UHRF2: variants seen among roughly 807,000 people sequenced by gnomAD.
The protein encoded by UHRF2 is ubiquitin like with PHD and ring finger domains 2.
Under a neutral mutation model 96.8 loss-of-function variants are expected in UHRF2, and 23 were observed. That is an observed-to-expected ratio of 0.24 (90% CI 0.17 to 0.34). UHRF2 has a LOEUF of 0.34. UHRF2 is among the 10% of genes least tolerant of loss of function. The pLI, the probability that UHRF2 is intolerant of heterozygous loss-of-function variation, is 1.00. For synonymous variants in UHRF2, 385 were observed against 332.6 expected, an observed-to-expected ratio of 1.16 and a Z score of -1.72; for missense variants, 685 against 981.5, an observed-to-expected ratio of 0.70 and a Z score of 4.04.
At chr9:6,424,430 A>G (rs1290262215) in intron 2 of UHRF2, among the ~76,000 whole-genome samples, 1 of 152,110 alleles carries the variant, frequency 6.6e-6, no homozygotes, top group Non-Finnish European at 1.5e-5. Flanking sequence ...TTTCTATATT[A>G]CTCTGATTTC....
intron 3 of UHRF2, among the ~76,000 whole-genome samples, chr9:6,443,432 A>G (rs1448267923): frequency 2.0e-5 from 3 of 152,272 alleles, no homozygotes; most frequent in African/African-American, 4.8e-5. Flanking sequence ...AGTAGCAGGC[A>G]GATTCCAAAA....
chr9:6,447,857 G>A (rs1180185629), intron 3 of UHRF2, among the ~76,000 whole-genome samples: 1 of 152,194 alleles, frequency 6.6e-6, no homozygotes, highest in Non-Finnish European at 1.5e-5. Flanking sequence ...AATTGGTGTT[G>A]GAGAACCTTG....
At chr9:6,421,198 G>C in intron 2 of UHRF2, 56 bp downstream of exon 2, 2 of 1,321,994 alleles carry the variant, frequency 1.5e-6, no homozygotes, top group African/African-American at 3.0e-5. Flanking sequence ...TTTATTTTCT[G>C]TTCAGGATGT....
intron 4 of UHRF2, among the ~76,000 whole-genome samples, chr9:6,471,165 C>G (rs1241121933): frequency 6.6e-6 from 1 of 152,184 alleles, no homozygotes; most frequent in Non-Finnish European, 1.5e-5. Context: ...AATTCACAAA[C>G]TCATGGACAG....
intron 14 of UHRF2, 63 bp downstream of exon 14, chr9:6,500,772 A>G: frequency 2.0e-6 from 3 of 1,477,220 alleles, no homozygotes; most frequent in South Asian, 1.4e-5. Flanking sequence ...TAATTGTCTC[A>G]TGAAGTCTGT....
chr9:6,450,631 G>T (rs1057512607), intron 3 of UHRF2, among the ~76,000 whole-genome samples: 7 of 152,058 alleles, frequency 4.6e-5, no homozygotes, highest in African/African-American at 1.7e-4. Flanking sequence ...TCTTTCAAAG[G>T]TTGACCGGTG....
At chr9:6,455,053 C>G (rs1184772976) in intron 3 of UHRF2, among the ~76,000 whole-genome samples, 1 of 152,186 alleles carries the variant, frequency 6.6e-6, no homozygotes, top group Non-Finnish European at 1.5e-5. Context: ...ATAGATTGAG[C>G]TTTTTAAGAG....
intron 8 of UHRF2, 85 bp from the exon 9 acceptor site, chr9:6,486,736 G>T: frequency 7.6e-7 from 1 of 1,322,766 alleles, no homozygotes; most frequent in Non-Finnish European, 1.1e-6. Flanking sequence ...GGGTCTTTAG[G>T]TACCAAGAAT....
At chr9:6,503,205 A>G (rs1473074938) in intron 14 of UHRF2, among the ~76,000 whole-genome samples, 1 of 152,260 alleles carries the variant, frequency 6.6e-6, no homozygotes, top group Admixed American at 6.5e-5. Context: ...CATGTTGGCC[A>G]GGTTGGTCTA....
chr9:6,488,682 A>G lies in UHRF2; in HGVS notation c.1497+1757A>G, dbSNP rs151206738. ...GCGGCCGGTTAATTTTTGTGTTTTT[A>G]CTAGAGATGGGGTTTCTCCATATTG... On this transcript the variant is annotated intron_variant, in intron 9 of 15. Coordinates refer to ENST00000276893, the MANE Select transcript of UHRF2 (RefSeq NM_152896.3). 7.1e-3 allele frequency among the ~76,000 whole-genome samples: 1,038 copies of G among 147,038 alleles called. 15 individuals carry two copies. The highest frequency in any genetic ancestry group is 0.025 in the African/African-American group (999 of 39,712).
At chr9:6,477,477 G>C in intron 5 of UHRF2, 145 bp from the exon 6 acceptor site, 1 of 659,606 alleles carries the variant, frequency 1.5e-6, no homozygotes, top group Non-Finnish European at 2.4e-6. Context: ...AGTGAGCCAA[G>C]ATCACGCCAT....
chr9:6,474,692 G>A (rs953892387), intron 4 of UHRF2, among the ~76,000 whole-genome samples: 2 of 152,068 alleles, frequency 1.3e-5, no homozygotes, highest in South Asian at 2.1e-4. Context: ...GTGACAGAGC[G>A]AGACTCCATC....
At chr9:6,456,062 T>C (rs1385853089) in intron 3 of UHRF2, among the ~76,000 whole-genome samples, 1 of 152,228 alleles carries the variant, frequency 6.6e-6, no homozygotes, top group East Asian at 1.9e-4. Context: ...TTTGTAATAC[T>C]TACTATTAGG....
At chr9:6,434,675 G>C (rs1820735768) in intron 3 of UHRF2, among the ~76,000 whole-genome samples, 1 of 152,160 alleles carries the variant, frequency 6.6e-6, no homozygotes, top group Non-Finnish European at 1.5e-5. Flanking sequence ...CTGACCTCAA[G>C]TGATCTGCCC....
At chr9:6,466,034 A>T (rs2130862160) in intron 4 of UHRF2, among the ~76,000 whole-genome samples, 2 of 152,358 alleles carry the variant, frequency 1.3e-5, no homozygotes, top group East Asian at 3.9e-4. Context: ...ATGTGAAGTT[A>T]TGCTGATTTA....
chr9:6,435,835 C>G (rs1232579021), intron 3 of UHRF2, among the ~76,000 whole-genome samples: 1 of 152,242 alleles, frequency 6.6e-6, no homozygotes, highest in East Asian at 1.9e-4. Context: ...TCTCGAACTC[C>G]TGACCTCAAG....
rs1819616714 is a variant in UHRF2 at position 6,416,625 on chromosome 9, C to G, written c.153+2982C>G. On this transcript the variant is annotated intron_variant, in intron 1 of 15. Coordinates refer to ENST00000276893, the MANE Select transcript of UHRF2 (RefSeq NM_152896.3). Reference sequence around the variant, plus strand: ...TGGCGCGATCTCCGCTCACTGCAAGCTCCGCCTTCCGGGTTCACGCCATTC... The same window carrying G: ...TGGCGCGATCTCCGCTCACTGCAAGGTCCGCCTTCCGGGTTCACGCCATTC... Among the ~76,000 whole-genome samples, 3 of 142,874 alleles carry G rather than the reference C, an allele frequency of 2.1e-5. No homozygotes were observed. In the Admixed American group the frequency reaches 2.3e-4, roughly 11 times the overall value. 93.7% of individuals were successfully genotyped at this position (142,874 alleles called of 152,430 possible). A position where few individuals can be genotyped will look rare whatever the true frequency, so the allele number is the denominator to read the frequency against.
chr9:6,492,013 A>T (rs1402549231), intron 9 of UHRF2, among the ~76,000 whole-genome samples: 1 of 152,244 alleles, frequency 6.6e-6, no homozygotes, highest in Non-Finnish European at 1.5e-5. Context: ...GATTACAGGC[A>T]TGAATCATTG....
chr9:6,425,743 G>A (rs1304204330), intron 2 of UHRF2, among the ~76,000 whole-genome samples: 4 of 150,748 alleles, frequency 2.7e-5, no homozygotes, highest in Non-Finnish European at 5.9e-5. Flanking sequence ...AAGCCTGGGT[G>A]AGTGAGACTT....
Sources: allele counts gnomAD v4.1 joint callset (sites outside exome capture counted in the v4.1 genomes callset), GRCh38; gene constraint gnomAD v4.1.1; transcripts MANE v1.5; gene names NCBI Gene and HGNC (gene_info 2026-07-23, HGNC 2026-07-21).